GABPB1: variants seen among roughly 807,000 people sequenced by gnomAD.
GABPB1 encodes GA-binding protein subunit beta-1.
In GABPB1, 15 loss-of-function variants were observed where a neutral mutation model predicts 45.9. That is an observed-to-expected ratio of 0.33 (90% confidence interval 0.22 to 0.50). The LOEUF is 0.50. Ranked by LOEUF, GABPB1 falls within the 20% of genes least tolerant of loss-of-function variation. The probability of loss-of-function intolerance (pLI) is 0.98; values close to 1 mark genes in which losing one functional copy is unlikely to be tolerated. For missense variants in GABPB1, 252 were observed against 457.5 expected (o/e 0.55, Z 4.10); for synonymous variants, 143 against 154.4 (o/e 0.93, Z 0.55).
At chr15:50,294,409 G>C (rs2046445424) in intron 6 of GABPB1, among the ~76,000 whole-genome samples, 1 of 152,126 alleles carries the variant, frequency 6.6e-6, no homozygotes, top group Admixed American at 6.6e-5. Context: ...AGCTACTCAG[G>C]AGGCTGAGGC....
intron 2 of GABPB1, among the ~76,000 whole-genome samples, chr15:50,308,686 T>A (rs975197119): frequency 6.6e-6 from 1 of 152,214 alleles, no homozygotes; most frequent in African/African-American, 2.4e-5. Flanking sequence ...TTCTTTAGGG[T>A]AAAATTTCTC....
intron 1 of GABPB1, among the ~76,000 whole-genome samples, chr15:50,323,015 G>A (rs2141099143): frequency 6.6e-6 from 1 of 152,238 alleles, no homozygotes; most frequent in Middle Eastern, 3.4e-3. Flanking sequence ...GGCAACAGGA[G>A]TGAGACCCTG....
chr15:50,292,844 A>ATGTG (rs1234111426), intron 6 of GABPB1, among the ~76,000 whole-genome samples: 16 of 83,442 alleles, frequency 1.9e-4, no homozygotes, highest in South Asian at 1.4e-3. Context: ...AAAAGTGTGT[A>ATGTG]TATGTGTGTG....
intron 1 of GABPB1, chr15:50,354,415 C>G (rs768420561): frequency 2.2e-6 from 1 of 451,828 alleles, no homozygotes; most frequent in South Asian, 1.6e-5. Flanking sequence ...CCGCCGCGAC[C>G]CGAGCGCCTC....
chr15:50,304,280 C>T (rs2046863618), intron 2 of GABPB1, 147 bp from the exon 3 acceptor site: 6 of 493,128 alleles, frequency 1.2e-5, no homozygotes, highest in Non-Finnish European at 2.0e-5. Context: ...TTATCACATC[C>T]TCTTCATAGA....
intron 1 of GABPB1, among the ~76,000 whole-genome samples, chr15:50,319,398 C>T (rs1199560639): frequency 6.6e-6 from 1 of 152,148 alleles, no homozygotes; most frequent in African/African-American, 2.4e-5. Flanking sequence ...GAACACTGTA[C>T]CCAACAGGGA....
chr15:50,349,031 T>C (rs1050321888), intron 1 of GABPB1: 3 of 152,156 alleles, frequency 2.0e-5, no homozygotes, highest in African/African-American at 7.2e-5. Context: ...AAAATAGGAC[T>C]CAAAATTAAT....
chr15:50,352,759 T>A (rs1032960354), intron 1 of GABPB1: 5 of 152,252 alleles, frequency 3.3e-5, no homozygotes, highest in Non-Finnish European at 7.3e-5. Flanking sequence ...GATGGAACAG[T>A]AGAGAACTAT....
chr15:50,320,445 G>C (rs950379081), intron 1 of GABPB1, among the ~76,000 whole-genome samples: 6 of 152,238 alleles, frequency 3.9e-5, no homozygotes, highest in African/African-American at 1.2e-4. Context: ...TGGGATTACA[G>C]GCGTGAGCCA....
intron 7 of GABPB1, 98 bp downstream of exon 7, chr15:50,289,385 A>C: frequency 1.3e-6 from 1 of 768,098 alleles, no homozygotes; most frequent in South Asian, 2.3e-5. Flanking sequence ...TGAGAATTAA[A>C]AATAAACACA....
At chr15:50,326,627 A>T (rs1450317173) in intron 1 of GABPB1, among the ~76,000 whole-genome samples, 1 of 151,958 alleles carries the variant, frequency 6.6e-6, no homozygotes, top group Non-Finnish European at 1.5e-5. Context: ...GCGCCATTGC[A>T]CTCCAGCCTG....
At chr15:50,304,234 C>T (rs1471345651) in intron 2 of GABPB1, 101 bp from the exon 3 acceptor site, 2 of 886,994 alleles carry the variant, frequency 2.3e-6, no homozygotes, top group African/African-American at 1.7e-5. Context: ...GTTTACATAG[C>T]AACTCAAAAC....
chr15:50,324,825 G>C (rs1055925970), intron 1 of GABPB1, among the ~76,000 whole-genome samples: 1 of 152,104 alleles, frequency 6.6e-6, no homozygotes, highest in Admixed American at 6.5e-5. Flanking sequence ...AGGATTACAG[G>C]TGTGAGCCAC....
At chr15:50,349,170 G>A (rs1282003682) in intron 1 of GABPB1, 3 of 151,872 alleles carry the variant, frequency 2.0e-5, no homozygotes, top group Non-Finnish European at 2.9e-5. Flanking sequence ...TATTTAGTGC[G>A]AACATTCATA....
chr15:50,307,191 TGA>T (rs2046979462), intron 2 of GABPB1, among the ~76,000 whole-genome samples: 1 of 152,192 alleles, frequency 6.6e-6, no homozygotes, highest in South Asian at 2.1e-4. Flanking sequence ...CAAAAATATT[TGA>T]GAGTTCCCAC....
chr15:50,306,680 TC>T (rs2046962716), intron 2 of GABPB1, among the ~76,000 whole-genome samples: 1 of 149,948 alleles, frequency 6.7e-6, no homozygotes, highest in African/African-American at 2.5e-5. Context: ...CACAAGCCCC[TC>T]CCCCAGCCCC....
intron 4 of GABPB1, among the ~76,000 whole-genome samples, chr15:50,302,524 G>C (rs540627227): frequency 6.6e-6 from 1 of 151,328 alleles, no homozygotes; most frequent in Admixed American, 6.6e-5. Flanking sequence ...TGCACCTGTA[G>C]TCCCAGCTAT....
intron 1 of GABPB1, among the ~76,000 whole-genome samples, chr15:50,338,278 G>A (rs1477753994): frequency 2.6e-5 from 4 of 151,970 alleles, no homozygotes; most frequent in Non-Finnish European, 4.4e-5. Flanking sequence ...AACCTCAGGC[G>A]ATCTGCCCAC....
chr15:50,285,079 C>T (rs1298639101), intron 8 of GABPB1, among the ~76,000 whole-genome samples: 1 of 152,054 alleles, frequency 6.6e-6, no homozygotes, highest in Non-Finnish European at 1.5e-5. Flanking sequence ...TTTAGTTTGA[C>T]TTATGTTGTC....
Sources: allele counts gnomAD v4.1 joint callset (sites outside exome capture counted in the v4.1 genomes callset), GRCh38; gene constraint gnomAD v4.1.1; transcripts MANE v1.5; gene names NCBI Gene and HGNC (gene_info 2026-07-23, HGNC 2026-07-21).